SCN9A: variants seen among roughly 807,000 people sequenced by gnomAD.
SCN9A encodes sodium voltage-gated channel alpha subunit 9, also known as sodium channel protein type 9 subunit alpha.
A neutral mutation model predicts 187.0 loss-of-function variants in SCN9A; 131 were observed. The observed-to-expected ratio is 0.70, with a 90% CI of 0.61 to 0.81. SCN9A has a LOEUF of 0.81. SCN9A is among the 30% of genes least tolerant of loss of function. The pLI is 0.00. For synonymous variants in SCN9A, 809 were observed against 808.6 expected (o/e 1.00, Z -0.01); for missense variants, 2,252 against 2,396.6 (o/e 0.94, Z 1.26).
chr2:166,284,879 A>T (rs73969657), intron 11 of SCN9A, 55 bp from the exon 12 acceptor site: 4 of 1,495,700 alleles, frequency 2.7e-6, no homozygotes, highest in Admixed American at 4.5e-5. Flanking sequence ...ATAGAAGTAC[A>T]CTTCATATAA....
chr2:166,363,984 ACTC>A (rs1163245168), intron 1 of SCN9A, among the ~76,000 whole-genome samples: 4 of 151,982 alleles, frequency 2.6e-5, no homozygotes, highest in Non-Finnish European at 5.9e-5. Flanking sequence ...AAAAATTCCT[ACTC>A]CTCAACAAAA....
intron 7 of SCN9A, among the ~76,000 whole-genome samples, chr2:166,297,751 A>T (rs758192793): frequency 1.3e-5 from 2 of 152,090 alleles, no homozygotes; most frequent in Non-Finnish European, 1.5e-5. Flanking sequence ...AAAAAAAGGA[A>T]TTTTGTGGCA....
intron 12 of SCN9A, among the ~76,000 whole-genome samples, chr2:166,282,688 A>G (rs1249419459): frequency 1.3e-5 from 2 of 152,084 alleles, no homozygotes; most frequent in Non-Finnish European, 2.9e-5. Flanking sequence ...CTAGATTTGT[A>G]AAGTTGTATA....
chr2:166,295,542 G>C (rs1261614096), intron 7 of SCN9A, among the ~76,000 whole-genome samples: 1 of 152,098 alleles, frequency 6.6e-6, no homozygotes, highest in African/African-American at 2.4e-5. Flanking sequence ...TTATACAATG[G>C]AAAGTGTGTA....
intron 21 of SCN9A, among the ~76,000 whole-genome samples, chr2:166,231,016 T>C (rs1243054598): frequency 6.6e-6 from 1 of 152,220 alleles, no homozygotes; most frequent in Non-Finnish European, 1.5e-5. Flanking sequence ...TAAATGTCTC[T>C]TTTTGCATGG....
intron 24 of SCN9A, among the ~76,000 whole-genome samples, chr2:166,218,398 TTAAAG>T (rs1448196674): frequency 8.6e-5 from 13 of 151,044 alleles, no homozygotes; most frequent in Non-Finnish European, 1.6e-4. Flanking sequence ...ACCCTAGAAC[TTAAAG>T]TAAAATAAAA....
At chr2:166,357,232 G>T (rs948649201) in intron 1 of SCN9A, among the ~76,000 whole-genome samples, 1 of 152,098 alleles carries the variant, frequency 6.6e-6, no homozygotes, top group Admixed American at 6.5e-5. Context: ...TCACAGTACG[G>T]TATTTTATTT....
rs781752076 is a variant in SCN9A at position 166,204,511 on chromosome 2, G to A, written c.4399-47C>T. On this transcript the variant is annotated intron_variant, in intron 24 of 26. Coordinates refer to ENST00000642356, the MANE Select transcript of SCN9A (RefSeq NM_001365536.1). ...AAATGTAGTTAAAACCAGAATCATT[G>A]TCTACATCTTTCTATAGATTACTAA... The A allele has an allele frequency of 2.5e-6, 3 of 1,202,870 alleles. No individual in the cohort carries two copies. The Admixed American group carries it at 6.5e-5, about 26-fold the overall frequency. The allele number at this position is 1,202,870 out of a possible 1,614,324, so 74.5% of individuals were successfully genotyped here. A position where few individuals can be genotyped will look rare whatever the true frequency, so the allele number is the denominator to read the frequency against.
intron 24 of SCN9A, among the ~76,000 whole-genome samples, chr2:166,224,018 T>C (rs1431448321): frequency 6.6e-6 from 1 of 152,178 alleles, no homozygotes; most frequent in Non-Finnish European, 1.5e-5. Flanking sequence ...AATCAGTAAC[T>C]GTTTCCTGAC....
intron 20 of SCN9A, among the ~76,000 whole-genome samples, chr2:166,234,628 G>T (rs1386684515): frequency 2.6e-5 from 4 of 151,798 alleles, no homozygotes; most frequent in African/African-American, 9.7e-5. Context: ...AATTCCTAAA[G>T]CTACGTATTT....
chr2:166,370,591 T>C (rs1700538186), intron 1 of SCN9A, among the ~76,000 whole-genome samples: 1 of 150,782 alleles, frequency 6.6e-6, no homozygotes, highest in Non-Finnish European at 1.5e-5. Context: ...AATCAGATAA[T>C]ACAGGGAGTC....
intron 24 of SCN9A, among the ~76,000 whole-genome samples, chr2:166,207,625 G>C (rs1693875865): frequency 6.6e-6 from 1 of 152,088 alleles, no homozygotes; most frequent in African/African-American, 2.4e-5. Context: ...ATTTTTAGTA[G>C]AGACAGGGTT....
chr2:166,303,343 C>G (rs1332646058), intron 6 of SCN9A, 41 bp from the exon 7 acceptor site: 1 of 1,508,894 alleles, frequency 6.6e-7, no homozygotes, highest in African/African-American at 1.4e-5. Context: ...GACATAAAGC[C>G]TCTGAATCGA....
rs201153314 is a variant in SCN9A at position 166,293,223 on chromosome 2, G to A, written c.1107+8C>T. ...AAAAATACAATGCATGTTTCTCTTG[G>A]TACTCACCTGTTGGTAAAGGTTTTC... On this transcript the variant is annotated splice_region_variant and intron_variant, in intron 9 of 26. Coordinates refer to ENST00000642356, the MANE Select transcript of SCN9A (RefSeq NM_001365536.1). 1 of 1,575,182 alleles carries A rather than the reference G, an allele frequency of 6.3e-7. No homozygotes were observed. The highest frequency in any genetic ancestry group is 1.3e-5 in the African/African-American group (1 of 74,248).
At position 166,305,928 on chromosome 2, in the gene SCN9A, C is replaced by A. The variant is rs200399998; in HGVS notation, c.468-8G>T. ...ATTCCAGTAAAAGTGTACCTAAACA[C>A]AAGATTCCATTGGGATACTAGATGT... On this transcript the variant is annotated splice_region_variant and splice_polypyrimidine_tract_variant and intron_variant, in intron 4 of 26. Transcript: ENST00000642356. The A allele has an allele frequency of 1.6e-5, 26 of 1,611,934 alleles. No homozygotes were observed. The African/African-American group carries it at 3.1e-4, about 19-fold the overall frequency.
rs979250149 is a variant in SCN9A, at chr2:166,332,800, G to C, written c.-50-20994C>G. On this transcript the variant is annotated intron_variant, in intron 1 of 26. Coordinates refer to ENST00000642356, the MANE Select transcript of SCN9A (RefSeq NM_001365536.1). ...ACTATTATTCTTAGTTTTTAAAAAT[G>C]AAATCACAGATGTAAATATAACAAA... is the stretch of plus-strand genomic sequence containing the variant. 5.9e-5 allele frequency among the ~76,000 whole-genome samples: 9 copies of C among 151,810 alleles called. No homozygotes were observed. In the East Asian group the frequency reaches 1.7e-3, roughly 29 times the overall value.
At chr2:166,289,749 C>T (rs1482553346) in intron 9 of SCN9A, among the ~76,000 whole-genome samples, 4 of 152,188 alleles carry the variant, frequency 2.6e-5, no homozygotes, top group African/African-American at 9.6e-5. Context: ...AACTAATTTA[C>T]ACTCCTACCA....
At chr2:166,204,568 AATGT>A in intron 24 of SCN9A, 104 bp from the exon 25 acceptor site, 2 of 628,462 alleles carry the variant, frequency 3.2e-6, no homozygotes, top group Non-Finnish European at 5.2e-6. Flanking sequence ...ATAGAAATAA[AATGT>A]ATTTTATTAT....
chr2:166,204,257 G>C, intron 25 of SCN9A, 32 bp from the exon 26 acceptor site: 1 of 1,593,036 alleles, frequency 6.3e-7, no homozygotes, highest in East Asian at 2.2e-5. Flanking sequence ...ATCGAATGCA[G>C]AGTAAACTTT....
Sources: allele counts gnomAD v4.1 joint callset (sites outside exome capture counted in the v4.1 genomes callset), GRCh38; gene constraint gnomAD v4.1.1; transcripts MANE v1.5; gene names NCBI Gene and HGNC (gene_info 2026-07-23, HGNC 2026-07-21).